Variants in FAT3 observed in about 807,000 individuals in gnomAD.
The protein encoded by FAT3 is FAT atypical cadherin 3.
Under a neutral mutation model 310.2 loss-of-function variants are expected in FAT3, and 95 were observed. The ratio of observed to expected loss-of-function variants is 0.31; its 90% CI spans 0.26 to 0.36. The LOEUF (loss-of-function observed/expected upper bound fraction) is 0.36, where lower values mean the gene tolerates loss of function less well. Among genes scored for constraint, FAT3 ranks in the 10% least tolerant of loss-of-function variants. FAT3 has a pLI of 1.00. For missense variants in FAT3, 5,408 were observed against 5,715.6 expected (o/e 0.95, Z 1.74); for synonymous variants, 2,314 against 2,192.9 (o/e 1.06, Z -1.54).
chr11:92,701,309 G>A (rs1241361479), intron 4 of FAT3, among the ~76,000 whole-genome samples: 1 of 152,194 alleles, frequency 6.6e-6, no homozygotes, highest in Non-Finnish European at 1.5e-5. Context: ...GTTGTATACT[G>A]CTGACACTCC....
At position 92,360,236 on chromosome 11, in the gene FAT3, A is replaced by G. The variant is rs541436424; in HGVS notation, c.3292+4832A>G. Among the ~76,000 whole-genome samples the G allele has an allele frequency of 1.2e-4, 19 of 152,352 alleles. No homozygotes were observed. The South Asian group carries it at 3.9e-3, about 32-fold the overall frequency. On this transcript the variant is annotated intron_variant, in intron 2 of 27. Coordinates refer to ENST00000525166, the MANE Select transcript of FAT3 (RefSeq NM_001367949.2). ...CAACAGACAAACAGAGAGCCAAATC[A>G]TGAGTGAACTCCCATTCACAATTGC...
intron 21 of FAT3, among the ~76,000 whole-genome samples, chr11:92,865,917 T>C (rs376354104): frequency 3.9e-5 from 6 of 152,292 alleles, no homozygotes; most frequent in African/African-American, 1.4e-4. Context: ...GGCTGGTCTC[T>C]GTTGTCGCAC....
chr11:92,844,655 C>T lies in FAT3; in HGVS notation c.11288C>T (p.Ala3763Val), dbSNP rs183919308. ...CEQGLSLDSHALMTYSTARIS... is the reference protein window; with the variant it reads ...CEQGLSLDSHVLMTYSTARIS... ...CAAGGCTTGTCACTCGATTCCCACGCGCTCATGACCTACAGCACGGCTCGC... is the reference window on the plus strand; with the variant it reads ...CAAGGCTTGTCACTCGATTCCCACGTGCTCATGACCTACAGCACGGCTCGC... Residue 3763 changes from alanine (A) to valine (V), a missense_variant, in exon 19 of 28, where the codon GCG (alanine) becomes GTG (valine). Around this residue, in one of 5 missense-constraint regions of FAT3, gnomAD observed 4,588 missense variants for 4,809.8 expected, o/e 0.95. Coordinates refer to ENST00000525166, the MANE Select transcript of FAT3 (RefSeq NM_001367949.2). The T allele has an allele frequency of 2.0e-5, 32 of 1,608,110 alleles. No individual in the cohort carries two copies. In the East Asian group the frequency reaches 3.4e-4, roughly 17 times the overall value.
intron 4 of FAT3, among the ~76,000 whole-genome samples, chr11:92,720,488 A>G (rs1450562890): frequency 6.6e-6 from 1 of 152,170 alleles, no homozygotes; most frequent in Non-Finnish European, 1.5e-5. Context: ...TTTTCCTGCC[A>G]TTTTTGCCAT....
In FAT3 at chr11:92,521,307, C is replaced by G. The variant is rs146761398; in HGVS notation, c.3293-3327C>G. 7.6e-4 allele frequency among the ~76,000 whole-genome samples: 116 copies of G among 152,184 alleles called. No individual in the cohort carries two copies. In the East Asian group the frequency reaches 0.022, roughly 28 times the overall value. The stretch of plus-strand genomic sequence containing the variant: ...TGATGTTCCCCAAAAAGGCCAGATA[C>G]TTTCACACACAAAAAAATTATGTAA... On this transcript the variant is annotated intron_variant, in intron 2 of 27. Transcript: ENST00000525166.
intron 15 of FAT3, among the ~76,000 whole-genome samples, chr11:92,835,707 A>G (rs934734825): frequency 6.6e-6 from 1 of 152,142 alleles, no homozygotes; most frequent in African/African-American, 2.4e-5. Flanking sequence ...TGAGGATCAA[A>G]TAAAATCCCT....
At chr11:92,765,163 AG>A in intron 6 of FAT3, 74 bp downstream of exon 6, 4 of 1,261,270 alleles carry the variant, frequency 3.2e-6, no homozygotes, top group Non-Finnish European at 3.2e-6. Context: ...AAAAAAAAAA[AG>A]AAAGAAAGCA....
At chr11:92,538,790 A>G (rs553760634) in intron 3 of FAT3, among the ~76,000 whole-genome samples, 1 of 152,272 alleles carries the variant, frequency 6.6e-6, no homozygotes, top group South Asian at 2.1e-4. Context: ...GAAGAGATTA[A>G]GTAAATAATA....
At chr11:92,466,428 T>G (rs1210941579) in intron 2 of FAT3, among the ~76,000 whole-genome samples, 1 of 151,966 alleles carries the variant, frequency 6.6e-6, no homozygotes, top group Admixed American at 6.6e-5. Flanking sequence ...AGATATTGAG[T>G]TATTAGAGTT....
At chr11:92,530,704 CATT>C (rs1954037637) in intron 3 of FAT3, among the ~76,000 whole-genome samples, 2 of 151,886 alleles carry the variant, frequency 1.3e-5, no homozygotes, top group Non-Finnish European at 2.9e-5. Flanking sequence ...AATCAACAAA[CATT>C]ATTGTATTTT....
At chr11:92,572,722 A>G (rs1938246859) in intron 3 of FAT3, among the ~76,000 whole-genome samples, 1 of 152,210 alleles carries the variant, frequency 6.6e-6, no homozygotes, top group South Asian at 2.1e-4. Context: ...TGAATGGGTA[A>G]GTTGTCCTTG....
chr11:92,787,955 G>A (rs761541200), intron 7 of FAT3, among the ~76,000 whole-genome samples: 14 of 151,994 alleles, frequency 9.2e-5, no homozygotes, highest in Non-Finnish European at 1.3e-4. Flanking sequence ...ATATGAACTC[G>A]TGCAATATTT....
At position 92,801,676 on chromosome 11, in the gene FAT3, C is replaced by T; in HGVS notation, c.8663C>T (p.Thr2888Ile). 3 of 1,613,938 alleles carry T rather than the reference C, an allele frequency of 1.9e-6. No homozygotes were observed. Among genetic ancestry groups the T allele is most frequent in the South Asian group, 1.1e-5 (1 of 91,066 alleles). ...LKDLDHETDP[T>I]FTFSVVASDL... ...GACCTAGATCACGAGACAGACCCCA[C>T]ATTCACCTTCTCTGTGGTGGCCTCT... Residue 2888 changes from threonine (T) to isoleucine (I), a missense_variant, in exon 10 of 28, where the codon ACA becomes ATA. By Grantham distance (89) the Thr-to-Ile change is moderately conservative (BLOSUM62 -1). Transcript: ENST00000525166.
At chr11:92,511,255 G>A (rs560429626) in intron 2 of FAT3, among the ~76,000 whole-genome samples, 163 of 152,278 alleles carry the variant, frequency 1.1e-3, no homozygotes, top group African/African-American at 3.8e-3. Flanking sequence ...TTGAAATTCA[G>A]AGCTTGAATT....
Position 92,805,313 on chromosome 11 carries a change from C to CA in FAT3, c.9058dup (p.Ser3020LysfsTer2). ...CACAGGCCATGGTGGAAGTGAGCGT[C>CA]AGTGATGTGAATGACAATAGCCCAG... On this transcript the variant is annotated frameshift_variant, in exon 11 of 28. Transcript: ENST00000525166. LOFTEE classifies it high-confidence loss of function. 1 of 1,613,640 alleles carries CA rather than the reference C, an allele frequency of 6.2e-7. No individual in the cohort carries two copies. Among genetic ancestry groups the CA allele is most frequent in the Non-Finnish European group, 8.5e-7 (1 of 1,179,766 alleles).
chr11:92,229,655 C>A (rs556762770), intron 1 of FAT3, among the ~76,000 whole-genome samples: 10 of 151,664 alleles, frequency 6.6e-5, no homozygotes, highest in African/African-American at 2.4e-4. Flanking sequence ...CTAGTGGCTT[C>A]AAGCCAGTTT....
chr11:92,492,512 C>G (rs999305729), intron 2 of FAT3, among the ~76,000 whole-genome samples: 6 of 152,040 alleles, frequency 3.9e-5, no homozygotes, highest in African/African-American at 1.4e-4. Context: ...AGTAGATTTG[C>G]TAAATAAATG....
intron 7 of FAT3, among the ~76,000 whole-genome samples, chr11:92,783,609 C>A (rs1368374285): frequency 6.6e-6 from 1 of 151,440 alleles, no homozygotes; most frequent in African/African-American, 2.4e-5. Context: ...GAGTTTGAGA[C>A]CAGCCTGGGT....
At chr11:92,824,973 G>A (rs1275998689) in intron 13 of FAT3, among the ~76,000 whole-genome samples, 1 of 152,088 alleles carries the variant, frequency 6.6e-6, no homozygotes, top group Admixed American at 6.5e-5. Context: ...GGAAAATTGG[G>A]TAAGTACCAG....
Sources: allele counts gnomAD v4.1 joint callset (sites outside exome capture counted in the v4.1 genomes callset), GRCh38; gene constraint gnomAD v4.1.1; regional missense constraint gnomAD v4.1.1; transcripts MANE v1.5; gene names NCBI Gene and HGNC (gene_info 2026-07-23, HGNC 2026-07-21).